SLC22A23: variants seen among roughly 807,000 people sequenced by gnomAD.
SLC22A23 encodes solute carrier family 22 member 23.
A neutral mutation model predicts 61.0 loss-of-function variants in SLC22A23; 26 were observed. That is an observed-to-expected ratio of 0.43 (90% CI 0.31 to 0.59). The LOEUF (loss-of-function observed/expected upper bound fraction) is 0.59, where lower values mean the gene tolerates loss of function less well. SLC22A23 is among the 20% of genes least tolerant of loss of function. The probability of loss-of-function intolerance (pLI) is 0.11; values close to 1 mark genes in which losing one functional copy is unlikely to be tolerated. For missense variants in SLC22A23, 796 were observed against 934.7 expected (o/e 0.85, Z 1.94); for synonymous variants, 430 against 413.9 (o/e 1.04, Z -0.47).
rs560185606 is a variant in SLC22A23 at position 3,304,409 on chromosome 6, A to T, written c.1083-6191T>A. Among the ~76,000 whole-genome samples, 5 of 152,400 alleles carry T rather than the reference A, an allele frequency of 3.3e-5. No individual in the cohort carries two copies. Among genetic ancestry groups the T allele is most frequent in the African/African-American group, 1.2e-4 (5 of 41,602 alleles). ...AGAGTCTCTGAGAATTGCAAAGCTC[A>T]TAGAAAAGATTTCAAGGATATTACT... On this transcript the variant is annotated intron_variant, in intron 4 of 9. Coordinates refer to ENST00000406686, the MANE Select transcript of SLC22A23 (RefSeq NM_015482.2). This position sits in a 1 kb window ranked among gnomAD's most constrained non-coding sequence, Gnocchi z 4.3.
chr6:3,379,958 C>CGT (rs71661359), intron 3 of SLC22A23, among the ~76,000 whole-genome samples: 2,318 of 150,114 alleles, frequency 0.015, 41 homozygotes, highest in African/African-American at 0.042. Flanking sequence ...AGTGTGGATG[C>CGT]GTGTGTGTGT....
At chr6:3,369,767 A>G (rs1174394350) in intron 3 of SLC22A23, among the ~76,000 whole-genome samples, 1 of 152,194 alleles carries the variant, frequency 6.6e-6, no homozygotes, top group Non-Finnish European at 1.5e-5. Context: ...CCATACAAGC[A>G]TTTTAACCCA....
intron 3 of SLC22A23, among the ~76,000 whole-genome samples, chr6:3,345,855 G>A (rs918224789): frequency 6.6e-5 from 10 of 152,300 alleles, no homozygotes; most frequent in Admixed American, 3.9e-4. Flanking sequence ...CTGCTGCTAA[G>A]CAGATTTTGT....
intron 3 of SLC22A23, among the ~76,000 whole-genome samples, chr6:3,369,972 A>G (rs751208099): frequency 2.6e-5 from 4 of 152,248 alleles, no homozygotes; most frequent in Non-Finnish European, 5.9e-5. Flanking sequence ...TGTAACCACA[A>G]TTAAGATTTG....
At position 3,390,614 on chromosome 6, in the gene SLC22A23, G is replaced by T. The variant is rs982748650; in HGVS notation, c.913+19574C>A. On this transcript the variant is annotated intron_variant, in intron 3 of 9. Coordinates refer to ENST00000406686, the MANE Select transcript of SLC22A23 (RefSeq NM_015482.2). The surrounding 1 kb of genome is among the most constrained non-coding windows in gnomAD (Gnocchi z 4.0). ...AAATGTTACCTAAGAATAACCTAAT[G>T]CAGAGATGTACACACTGGGGCCACT... 6.6e-6 allele frequency among the ~76,000 whole-genome samples: 1 copy of T among 152,188 alleles called. No homozygotes were observed. The highest frequency in any genetic ancestry group is 1.5e-5 in the Non-Finnish European group (1 of 68,044).
At chr6:3,452,740 A>G (rs9378798) in intron 1 of SLC22A23, among the ~76,000 whole-genome samples, 123,310 of 152,034 alleles carry the variant, frequency 0.81, 50,721 homozygotes, top group African/African-American at 0.94. Context: ...ACTGACATTA[A>G]TGTTGTCATT....
At chr6:3,355,742 C>G (rs917792995) in intron 3 of SLC22A23, among the ~76,000 whole-genome samples, 8 of 151,710 alleles carry the variant, frequency 5.3e-5, no homozygotes, top group African/African-American at 1.9e-4. Context: ...TTCTCATTTG[C>G]TATTTCTTAA....
intron 3 of SLC22A23, among the ~76,000 whole-genome samples, chr6:3,374,903 G>T (rs1194356900): frequency 1.3e-5 from 2 of 152,178 alleles, no homozygotes; most frequent in Admixed American, 1.3e-4. Context: ...ATAGACTCAG[G>T]TTAGAATTTG....
Position 3,399,232 on chromosome 6 carries a change from G to A in SLC22A23, c.913+10956C>T, listed in dbSNP as rs1045308913. On this transcript the variant is annotated intron_variant, in intron 3 of 9. Transcript: ENST00000406686. ...GAAACGCCTCTTCAGAGGGGACCAC[G>A]AACTCACATCATAAAATGTGCAAAA... is the stretch of plus-strand genomic sequence containing the variant. Among the ~76,000 whole-genome samples, 4 of 152,066 alleles carry A rather than the reference G, an allele frequency of 2.6e-5. No homozygotes were observed. The South Asian group carries it at 6.2e-4, about 24-fold the overall frequency.
Position 3,433,812 on chromosome 6 carries a change from A to G in SLC22A23, c.655-17957T>C, listed in dbSNP as rs564854625. 2.6e-5 allele frequency among the ~76,000 whole-genome samples: 4 copies of G among 152,284 alleles called. No individual in the cohort carries two copies. The South Asian group carries it at 8.3e-4, about 32-fold the overall frequency. Reference sequence around the variant, plus strand: ...GCGGACCACAGGCCTCCTTCATATAACCTTCCAGAATAGGCAAAACCATGC... The same window carrying G: ...GCGGACCACAGGCCTCCTTCATATAGCCTTCCAGAATAGGCAAAACCATGC... On this transcript the variant is annotated intron_variant, in intron 1 of 9. Coordinates refer to ENST00000406686, the MANE Select transcript of SLC22A23 (RefSeq NM_015482.2).
chr6:3,418,211 C>T (rs1292530723), intron 1 of SLC22A23, among the ~76,000 whole-genome samples: 3 of 152,056 alleles, frequency 2.0e-5, no homozygotes, highest in African/African-American at 2.4e-5. Flanking sequence ...AGGTTGCTGC[C>T]GGGGAGAAGG....
At chr6:3,340,930 T>C (rs758938348) in intron 3 of SLC22A23, among the ~76,000 whole-genome samples, 2 of 152,228 alleles carry the variant, frequency 1.3e-5, no homozygotes, top group Non-Finnish European at 2.9e-5. Flanking sequence ...TCAGGTTGAA[T>C]GAGGAGGGGC....
Position 3,270,835 on chromosome 6 carries a change from CAA to C in SLC22A23, c.*2218_*2219del, listed in dbSNP as rs75164877. On this transcript the variant is annotated 3_prime_UTR_variant, in exon 10 of 10. Coordinates refer to ENST00000406686, the MANE Select transcript of SLC22A23 (RefSeq NM_015482.2). ...GGCAGCACTCTACAGCTTCAATTTC[CAA>C]AAAAAAAAAAAAGTTTACACGACCA... The C allele has an allele frequency of 0.096, 13,549 of 141,788 alleles. 705 individuals are homozygous for C. Among genetic ancestry groups the C allele is most frequent in the Middle Eastern group, 0.18 (51 of 286 alleles). 8.8% of individuals were successfully genotyped at this position (141,788 alleles called of 1,614,324 possible).
chr6:3,314,234 G>A (rs1167652257), intron 4 of SLC22A23, among the ~76,000 whole-genome samples: 1 of 152,250 alleles, frequency 6.6e-6, no homozygotes, highest in Non-Finnish European at 1.5e-5. Flanking sequence ...GGACAGAAGT[G>A]TAGCTCTGCC....
At chr6:3,448,731 T>C (rs1772034651) in intron 1 of SLC22A23, among the ~76,000 whole-genome samples, 1 of 152,182 alleles carries the variant, frequency 6.6e-6, no homozygotes, top group Non-Finnish European at 1.5e-5. Flanking sequence ...CCTGACCTCG[T>C]GATCCGCCCA....
rs1019325597 is a variant in SLC22A23 at position 3,456,775 on chromosome 6, CCGGGCAGAGG to C, written c.-226_-217del. 1.4e-3 allele frequency: 228 copies of C among 163,258 alleles called. 2 individuals are homozygous for C. The highest frequency in any genetic ancestry group is 1.2e-3 in the South Asian group (6 of 5,144). 10.1% of individuals were successfully genotyped at this position (163,258 alleles called of 1,614,324 possible). ...CGGGCGCTGCGGCCCCGCTCGGGCG[CCGGGCAGAGG>C]CGGGCAGAGGCCGGCCGGGCCCTCA... On this transcript the variant is annotated 5_prime_UTR_variant, in exon 1 of 10. Coordinates refer to ENST00000406686, the MANE Select transcript of SLC22A23 (RefSeq NM_015482.2). The surrounding 1 kb of genome is among the most constrained non-coding windows in gnomAD (Gnocchi z 7.1).
At chr6:3,278,609 T>G (rs1759130783) in intron 9 of SLC22A23, among the ~76,000 whole-genome samples, 1 of 152,198 alleles carries the variant, frequency 6.6e-6, no homozygotes, top group African/African-American at 2.4e-5. Flanking sequence ...TCACACGGGC[T>G]TCCTGGATAG....
chr6:3,311,185 C>T (rs964992274), intron 4 of SLC22A23, among the ~76,000 whole-genome samples: 5 of 152,164 alleles, frequency 3.3e-5, no homozygotes, highest in Non-Finnish European at 5.9e-5. Flanking sequence ...GAGCTTCTAT[C>T]AAATAGGCCT....
chr6:3,312,771 C>G (rs1167778545), intron 4 of SLC22A23: 1 of 152,412 alleles, frequency 6.6e-6, no homozygotes, highest in Non-Finnish European at 1.5e-5. Context: ...CAGAGGCCCA[C>G]TCACTTGGTC....
Sources: allele counts gnomAD v4.1 joint callset (sites outside exome capture counted in the v4.1 genomes callset), GRCh38; gene constraint gnomAD v4.1.1; non-coding constraint Gnocchi (gnomAD v3.1); transcripts MANE v1.5; gene names NCBI Gene and HGNC (gene_info 2026-07-23, HGNC 2026-07-21).